Variants in TBC1D22A observed in about 807,000 individuals in gnomAD.
TBC1D22A encodes the protein TBC1 domain family member 22A.
A neutral mutation model predicts 60.2 loss-of-function variants in TBC1D22A; 38 were observed. The ratio of observed to expected loss-of-function variants is 0.63; its 90% CI spans 0.49 to 0.83. The LOEUF (loss-of-function observed/expected upper bound fraction) is 0.83. Among genes scored for constraint, TBC1D22A ranks in the 40% least tolerant of loss-of-function variants. The probability of loss-of-function intolerance (pLI) is 0.00; values close to 1 mark genes in which losing one functional copy is unlikely to be tolerated. For missense variants in TBC1D22A, 628 were observed against 701.0 expected (o/e 0.90, Z 1.18); for synonymous variants, 302 against 281.7 (o/e 1.07, Z -0.72).
At chr22:46,870,251 A>G (rs919504932) in intron 4 of TBC1D22A, among the ~76,000 whole-genome samples, 1 of 152,212 alleles carries the variant, frequency 6.6e-6, no homozygotes, top group Non-Finnish European at 1.5e-5. Flanking sequence ...ACCCACAACC[A>G]GTGTTTGTTC....
chr22:47,032,016 G>C lies in TBC1D22A; in HGVS notation c.1202-5055G>C, dbSNP rs77772430. Among the ~76,000 whole-genome samples, 761 of 152,368 alleles carry C rather than the reference G, an allele frequency of 5.0e-3. 10 individuals carry two copies. The highest frequency in any genetic ancestry group is 0.018 in the African/African-American group (728 of 41,588). On this transcript the variant is annotated intron_variant, in intron 10 of 12. Coordinates refer to ENST00000337137, the MANE Select transcript of TBC1D22A (RefSeq NM_014346.5). Reference sequence around the variant, plus strand: ...GTTTAAATTTTCAAGTCTGTTTCTTGCCAGTTTGTGTTGGAAAGATGTCAC... The same window carrying C: ...GTTTAAATTTTCAAGTCTGTTTCTTCCCAGTTTGTGTTGGAAAGATGTCAC...
chr22:46,806,433 G>A (rs1189624797), intron 4 of TBC1D22A, among the ~76,000 whole-genome samples: 1 of 149,070 alleles, frequency 6.7e-6, no homozygotes, highest in Non-Finnish European at 1.5e-5. Flanking sequence ...GAAAGCTGCC[G>A]AGAAAATAAT....
chr22:47,080,867 A>G (rs2064434452), intron 11 of TBC1D22A, among the ~76,000 whole-genome samples: 1 of 152,196 alleles, frequency 6.6e-6, no homozygotes, highest in African/African-American at 2.4e-5. Flanking sequence ...TCACGCCTGT[A>G]ATCCCAGCAC....
At chr22:47,154,407 C>T (rs544062792) in intron 12 of TBC1D22A, among the ~76,000 whole-genome samples, 4 of 152,308 alleles carry the variant, frequency 2.6e-5, no homozygotes, top group African/African-American at 4.8e-5. Flanking sequence ...ACTTGTCACG[C>T]GCGGGACACT....
chr22:46,834,451 T>C (rs974226), intron 4 of TBC1D22A, among the ~76,000 whole-genome samples: 63,911 of 151,582 alleles, frequency 0.42, 13,396 homozygotes, highest in South Asian at 0.46. Context: ...CACCCCTCCC[T>C]GAAGGCAGCA....
At chr22:47,173,179 T>G (rs2068556387) in intron 12 of TBC1D22A, among the ~76,000 whole-genome samples, 1 of 152,192 alleles carries the variant, frequency 6.6e-6, no homozygotes, top group Non-Finnish European at 1.5e-5. Flanking sequence ...GATGCCGGAC[T>G]TGGAGCTGCG....
chr22:46,984,839 G>C (rs1311681408), intron 9 of TBC1D22A, among the ~76,000 whole-genome samples: 2 of 152,208 alleles, frequency 1.3e-5, no homozygotes, highest in African/African-American at 4.8e-5. Flanking sequence ...GGGTGGAGTG[G>C]ACTCTGCCTG....
At chr22:46,972,470 T>G (rs1022560505) in intron 8 of TBC1D22A, among the ~76,000 whole-genome samples, 1 of 151,658 alleles carries the variant, frequency 6.6e-6, no homozygotes, top group African/African-American at 2.4e-5. Context: ...TGAAGAGGAG[T>G]GAGGCATTGA....
intron 4 of TBC1D22A, among the ~76,000 whole-genome samples, chr22:46,847,503 C>T (rs1037374610): frequency 5.9e-5 from 9 of 152,202 alleles, no homozygotes; most frequent in South Asian, 2.1e-4. Context: ...ATCATTGTTA[C>T]GCATTCTGCT....
chr22:46,993,121 G>A (rs775989359), intron 9 of TBC1D22A, among the ~76,000 whole-genome samples: 6 of 152,192 alleles, frequency 3.9e-5, no homozygotes, highest in Admixed American at 3.3e-4. Flanking sequence ...GTTTGACTCT[G>A]GGTACTTCCA....
intron 7 of TBC1D22A, among the ~76,000 whole-genome samples, chr22:46,905,877 A>G (rs1158422787): frequency 1.3e-5 from 2 of 152,036 alleles, no homozygotes; most frequent in East Asian, 3.9e-4. Flanking sequence ...TGTTTCCATT[A>G]TTGTAGGTGT....
At chr22:47,118,882 T>G (rs1234252310) in intron 12 of TBC1D22A, among the ~76,000 whole-genome samples, 4 of 152,190 alleles carry the variant, frequency 2.6e-5, no homozygotes, top group Non-Finnish European at 5.9e-5. Flanking sequence ...CCAGGTGCGG[T>G]GGCTCACGCC....
intron 8 of TBC1D22A, among the ~76,000 whole-genome samples, chr22:46,957,708 T>C (rs1293301270): frequency 1.3e-5 from 2 of 152,054 alleles, no homozygotes; most frequent in Non-Finnish European, 2.9e-5. Context: ...CTAAGCTGAG[T>C]GGGGCCTTCC....
chr22:46,944,743 TG>T (rs1476835781), intron 8 of TBC1D22A, among the ~76,000 whole-genome samples: 1 of 152,252 alleles, frequency 6.6e-6, no homozygotes, highest in Non-Finnish European at 1.5e-5. Context: ...CCATGCTCTT[TG>T]ATCTATTATA....
chr22:46,814,125 C>A (rs2085493697), intron 4 of TBC1D22A, among the ~76,000 whole-genome samples: 1 of 152,212 alleles, frequency 6.6e-6, no homozygotes, highest in Non-Finnish European at 1.5e-5. Flanking sequence ...TACTTACATT[C>A]ATCTTTGCTA....
At chr22:46,853,521 C>T (rs1444051605) in intron 4 of TBC1D22A, among the ~76,000 whole-genome samples, 1 of 152,162 alleles carries the variant, frequency 6.6e-6, no homozygotes, top group African/African-American at 2.4e-5. Flanking sequence ...AGAGGATCAG[C>T]GTGAGGGAGT....
chr22:47,104,782 G>C (rs1314849980), intron 11 of TBC1D22A, among the ~76,000 whole-genome samples: 1 of 151,770 alleles, frequency 6.6e-6, no homozygotes, highest in Non-Finnish European at 1.5e-5. Context: ...AAGAACCTTG[G>C]TCTCCACAGT....
intron 12 of TBC1D22A, among the ~76,000 whole-genome samples, chr22:47,155,166 A>G (rs2067660477): frequency 2.6e-5 from 4 of 152,054 alleles, no homozygotes; most frequent in Admixed American, 2.6e-4. Flanking sequence ...TGCCGAGCCC[A>G]TGTTTTCAGC....
chr22:47,111,220 A>G lies in TBC1D22A; in HGVS notation c.1330-288A>G, dbSNP rs113169411. ...AATTTGTCTCTTATCCTTTTTGGCT[A>G]TTGTCTGCGCAAGAGAGAAGAATGA... is the stretch of plus-strand genomic sequence containing the variant. On this transcript the variant is annotated intron_variant, in intron 11 of 12. Coordinates refer to ENST00000337137, the MANE Select transcript of TBC1D22A (RefSeq NM_014346.5). Among the ~76,000 whole-genome samples the G allele has an allele frequency of 3.0e-4, 45 of 152,262 alleles. 1 individual carries two copies. Among genetic ancestry groups the G allele is most frequent in the Admixed American group, 2.3e-3 (35 of 15,296 alleles).
Sources: gnomAD v4.1 joint callset for allele counts (sites outside exome capture counted in the v4.1 genomes callset) on GRCh38, gnomAD v4.1.1 for gene constraint, MANE v1.5 for transcripts, NCBI Gene and HGNC (gene_info 2026-07-23, HGNC 2026-07-21) for gene names.